NDST4: variants seen among roughly 807,000 people sequenced by gnomAD.
The protein encoded by NDST4 is N-heparan sulfate sulfotransferase 4.
Under a neutral mutation model 100.8 loss-of-function variants are expected in NDST4, and 63 were observed. The observed-to-expected ratio is 0.62, with a 90% CI of 0.51 to 0.77. The LOEUF is 0.77. Ranked by LOEUF, NDST4 falls within the 30% of genes least tolerant of loss-of-function variation. The pLI is 0.00. For missense variants in NDST4, 943 were observed against 1,018.4 expected (o/e 0.93, Z 1.01); for synonymous variants, 377 against 361.8 (o/e 1.04, Z -0.48).
At chr4:114,955,948 C>T (rs78287188) in intron 4 of NDST4, 4,478 of 152,262 alleles carry the variant, frequency 0.029, 123 homozygotes, top group African/African-American at 0.061. Context: ...TGGCAGTCCA[C>T]GGCATTTCTC....
chr4:114,900,753 G>T (rs73850735), intron 6 of NDST4, among the ~76,000 whole-genome samples: 8,949 of 152,116 alleles, frequency 0.059, 705 homozygotes, highest in African/African-American at 0.18. Flanking sequence ...CCCCGTCATT[G>T]TTATACATGA....
chr4:115,003,396 T>A (rs1468309556), intron 2 of NDST4, among the ~76,000 whole-genome samples: 2 of 152,134 alleles, frequency 1.3e-5, no homozygotes, highest in African/African-American at 2.4e-5. Flanking sequence ...AAATCAAAGC[T>A]GATGCATGAT....
At chr4:114,844,466 T>G (rs1417859098) in intron 10 of NDST4, among the ~76,000 whole-genome samples, 1 of 152,214 alleles carries the variant, frequency 6.6e-6, no homozygotes, top group Non-Finnish European at 1.5e-5. Flanking sequence ...AAATGTGCCA[T>G]GATTCTTTAT....
chr4:114,976,347 T>G (rs1726633203), intron 3 of NDST4, among the ~76,000 whole-genome samples: 1 of 151,980 alleles, frequency 6.6e-6, no homozygotes, highest in African/African-American at 2.4e-5. Context: ...TAGAAGCAGA[T>G]TATAGGTATT....
rs574768518 is a variant in NDST4 at position 115,102,078 on chromosome 4, CTTAAG to C, written c.-247+11361_-247+11365del. Reference sequence around the variant, plus strand: ...TTTATTTTCTGTACTTTTCTGTACACTTAAGTTAAATCAACTTATAGCCAGCAGCA... The same window carrying C: ...TTTATTTTCTGTACTTTTCTGTACACTTAAATCAACTTATAGCCAGCAGCA... On this transcript the variant is annotated intron_variant, in intron 1 of 13. Coordinates refer to ENST00000264363, the MANE Select transcript of NDST4 (RefSeq NM_022569.3). Among the ~76,000 whole-genome samples the C allele has an allele frequency of 6.7e-3, 1,017 of 152,246 alleles. 11 individuals carry two copies. Among genetic ancestry groups the C allele is most frequent in the African/African-American group, 0.023 (976 of 41,552 alleles).
intron 4 of NDST4, among the ~76,000 whole-genome samples, chr4:114,944,041 C>T (rs180858399): frequency 6.6e-6 from 1 of 152,276 alleles, no homozygotes; most frequent in Admixed American, 6.5e-5. Context: ...TTTAGACCAA[C>T]AGCCAAATAC....
intron 2 of NDST4, among the ~76,000 whole-genome samples, chr4:115,054,542 A>AT (rs770859301): frequency 6.6e-6 from 1 of 152,154 alleles, no homozygotes; most frequent in Non-Finnish European, 1.5e-5. Flanking sequence ...ATTGTCACCA[A>AT]TTTTTTTATT....
At chr4:115,004,712 A>T (rs1191947487) in intron 2 of NDST4, among the ~76,000 whole-genome samples, 5 of 152,248 alleles carry the variant, frequency 3.3e-5, no homozygotes, top group African/African-American at 4.8e-5. Flanking sequence ...CAGGTGTATT[A>T]GTCCAGTGAG....
chr4:115,005,072 T>C (rs4100071), intron 2 of NDST4, among the ~76,000 whole-genome samples: 48 of 152,330 alleles, frequency 3.2e-4, no homozygotes, highest in South Asian at 8.3e-4. Context: ...ATTCTATAAA[T>C]ATTTATGGGA....
intron 4 of NDST4, among the ~76,000 whole-genome samples, chr4:114,954,882 G>A (rs1428702061): frequency 1.3e-5 from 2 of 151,980 alleles, no homozygotes; most frequent in African/African-American, 2.4e-5. Flanking sequence ...CTGGTTGTTC[G>A]AACATGTGTA....
chr4:114,996,166 A>G (rs1336231540), intron 2 of NDST4, among the ~76,000 whole-genome samples: 3 of 152,080 alleles, frequency 2.0e-5, no homozygotes, highest in Admixed American at 1.3e-4. Context: ...AGGACCAGGT[A>G]GAGGTAATCA....
At chr4:114,995,021 A>G (rs1284643622) in intron 2 of NDST4, among the ~76,000 whole-genome samples, 1 of 152,054 alleles carries the variant, frequency 6.6e-6, no homozygotes, top group East Asian at 1.9e-4. Flanking sequence ...TTGAACTTGG[A>G]CCAGAAGTAT....
chr4:115,112,034 G>GCT (rs1218181083), intron 1 of NDST4, among the ~76,000 whole-genome samples: 2 of 151,478 alleles, frequency 1.3e-5, no homozygotes, highest in Non-Finnish European at 2.9e-5. Context: ...AACTTAGACT[G>GCT]TTGTAGTCAG....
rs187520889 is a variant in NDST4 at position 115,047,802 on chromosome 4, C to T, written c.978+28257G>A. Among the ~76,000 whole-genome samples, 215 of 152,168 alleles carry T rather than the reference C, an allele frequency of 1.4e-3. 1 individual carries two copies. Among genetic ancestry groups the T allele is most frequent in the African/African-American group, 5.0e-3 (208 of 41,554 alleles). On this transcript the variant is annotated intron_variant, in intron 2 of 13. Coordinates refer to ENST00000264363, the MANE Select transcript of NDST4 (RefSeq NM_022569.3). ...GGCTATATATCTATGTACCTATATC[C>T]TTATTCCCCTATTATATATCGTTTA...
intron 6 of NDST4, among the ~76,000 whole-genome samples, chr4:114,913,165 T>C (rs908323572): frequency 9.2e-5 from 14 of 151,904 alleles, no homozygotes; most frequent in African/African-American, 1.9e-4. Flanking sequence ...AAAATAAGAA[T>C]ACCACAAATA....
At chr4:115,080,739 T>C (rs1205188553) in intron 1 of NDST4, among the ~76,000 whole-genome samples, 1 of 151,914 alleles carries the variant, frequency 6.6e-6, no homozygotes, top group African/African-American at 2.4e-5. Context: ...ATTTGGAACT[T>C]GTCGAAGGAG....
intron 1 of NDST4, among the ~76,000 whole-genome samples, chr4:115,097,608 A>C (rs1462043149): frequency 1.3e-5 from 2 of 152,072 alleles, no homozygotes; most frequent in Non-Finnish European, 2.9e-5. Context: ...GGACTATTGA[A>C]ATTTCTTTCT....
At chr4:114,928,572 T>C (rs1386890784) in intron 6 of NDST4, among the ~76,000 whole-genome samples, 2 of 152,164 alleles carry the variant, frequency 1.3e-5, no homozygotes, top group Non-Finnish European at 2.9e-5. Context: ...ATGTGTCAAC[T>C]TGACTAGACC....
chr4:114,946,937 T>C (rs1458688333), intron 4 of NDST4, among the ~76,000 whole-genome samples: 3 of 152,208 alleles, frequency 2.0e-5, no homozygotes, highest in Admixed American at 2.0e-4. Context: ...GAAGTGGAAG[T>C]TGTAATAACA....
Sources: gnomAD v4.1 joint callset for allele counts (sites outside exome capture counted in the v4.1 genomes callset) on GRCh38, gnomAD v4.1.1 for gene constraint, MANE v1.5 for transcripts, NCBI Gene and HGNC (gene_info 2026-07-23, HGNC 2026-07-21) for gene names.